Variants in DPYD observed in about 807,000 individuals in gnomAD.
DPYD encodes dihydropyrimidine dehydrogenase [NADP(+)].
Under a neutral mutation model 116.2 loss-of-function variants are expected in DPYD, and 109 were observed. The ratio of observed to expected loss-of-function variants is 0.94; its 90% confidence interval spans 0.80 to 1.10. DPYD has a LOEUF of 1.10. Ranked by LOEUF, DPYD falls within the 50% of genes least tolerant of loss-of-function variation. The probability of loss-of-function intolerance (pLI) is 0.00; values close to 1 mark genes in which losing one functional copy is unlikely to be tolerated. For missense variants in DPYD, 1,302 were observed against 1,254.5 expected (o/e 1.04, Z -0.57); for synonymous variants, 440 against 432.0 (o/e 1.02, Z -0.23).
At chr1:97,126,843 C>T (rs1570504320) in intron 20 of DPYD, among the ~76,000 whole-genome samples, 1 of 152,138 alleles carries the variant, frequency 6.6e-6, no homozygotes. Context: ...CTTAAAATTC[C>T]CTGGGAACAG....
At chr1:97,519,298 C>G (rs1648468106) in intron 12 of DPYD, among the ~76,000 whole-genome samples, 1 of 152,124 alleles carries the variant, frequency 6.6e-6, no homozygotes, top group African/African-American at 2.4e-5. Flanking sequence ...ACATGGATGA[C>G]AGCAGGCAAA....
At chr1:97,690,510 G>A (rs372140566) in intron 7 of DPYD, among the ~76,000 whole-genome samples, 1 of 151,834 alleles carries the variant, frequency 6.6e-6, no homozygotes, top group East Asian at 1.9e-4. Context: ...ATCAAATCAG[G>A]ATAATTAGGA....
intron 13 of DPYD, among the ~76,000 whole-genome samples, chr1:97,477,604 C>CTTTTTTTTTTTTTTTTTT (rs56199931): frequency 2.6e-5 from 3 of 113,654 alleles, no homozygotes; most frequent in African/African-American, 1.0e-4. Context: ...GACTGTTCTT[C>CTTTTTTTTTTTTTTTTTT]TTTTTTTTTT....
intron 13 of DPYD, among the ~76,000 whole-genome samples, chr1:97,464,238 C>CGAAATAAAATAAAATAAAAT (rs1402138169): frequency 7.2e-6 from 1 of 138,600 alleles, no homozygotes; most frequent in Non-Finnish European, 1.5e-5. Flanking sequence ...GACTCTGTCT[C>CGAAATAAAATAAAATAAAAT]AAAATAAAAT....
At chr1:97,430,074 C>A (rs530846199) in intron 14 of DPYD, among the ~76,000 whole-genome samples, 86 of 152,194 alleles carry the variant, frequency 5.7e-4, no homozygotes, top group South Asian at 1.0e-3. Flanking sequence ...GTTTCTCTGG[C>A]ATTCAGTGTC....
At chr1:97,844,713 A>C (rs1465727881) in intron 2 of DPYD, among the ~76,000 whole-genome samples, 3 of 152,060 alleles carry the variant, frequency 2.0e-5, no homozygotes, top group Non-Finnish European at 2.9e-5. Flanking sequence ...CACACTTCTG[A>C]GTTGGCAGGG....
At chr1:97,453,224 G>A (rs965652528) in intron 13 of DPYD, among the ~76,000 whole-genome samples, 9 of 152,054 alleles carry the variant, frequency 5.9e-5, no homozygotes, top group African/African-American at 1.9e-4. Context: ...GTTCTTAACT[G>A]CTGGGTATCG....
At chr1:97,774,627 G>T in intron 3 of DPYD, 1 of 157,388 alleles carries the variant, frequency 6.4e-6, no homozygotes. Flanking sequence ...GCATGCAAAG[G>T]CCATGCCCAA....
At position 97,579,893 on chromosome 1, in the gene DPYD, G is replaced by C. The variant is rs75017182; in HGVS notation, c.1129-5923C>G. Among the ~76,000 whole-genome samples, 1,993 of 152,204 alleles carry C rather than the reference G, an allele frequency of 0.013. 23 individuals are homozygous for C. The highest frequency in any genetic ancestry group is 0.024 in the Middle Eastern group (7 of 294). ...GTGGGAAAGTTAAAAAAAATTCTCA[G>C]CTTTGATTTTCACCTCCATATTCAG... On this transcript the variant is annotated intron_variant, in intron 10 of 22. Transcript: ENST00000370192.
chr1:97,338,445 T>C (rs1669414066), intron 16 of DPYD, among the ~76,000 whole-genome samples: 1 of 152,042 alleles, frequency 6.6e-6, no homozygotes, highest in South Asian at 2.1e-4. Context: ...AGCTAATATA[T>C]AGCAGATTCC....
chr1:97,361,814 A>C (rs1339432008), intron 16 of DPYD, among the ~76,000 whole-genome samples: 1 of 152,222 alleles, frequency 6.6e-6, no homozygotes, highest in East Asian at 1.9e-4. Context: ...CAAAATAATA[A>C]GAGCTATTTA....
chr1:97,329,419 G>T (rs1221721760), intron 16 of DPYD, among the ~76,000 whole-genome samples: 1 of 151,952 alleles, frequency 6.6e-6, no homozygotes, highest in African/African-American at 2.4e-5. Context: ...GATGTTTGAT[G>T]AGCACTCTGT....
chr1:97,285,113 T>G (rs1665580410), intron 18 of DPYD, among the ~76,000 whole-genome samples: 1 of 152,202 alleles, frequency 6.6e-6, no homozygotes, highest in African/African-American at 2.4e-5. Flanking sequence ...GTTTTAACTT[T>G]TCCTCCTTGC....
chr1:97,786,757 A>G (rs1303472625), intron 3 of DPYD, among the ~76,000 whole-genome samples: 1 of 152,250 alleles, frequency 6.6e-6, no homozygotes, highest in Non-Finnish European at 1.5e-5. Context: ...AACTTATGTT[A>G]TCTTGGCAAC....
chr1:97,468,648 T>C (rs1557733400), intron 13 of DPYD, among the ~76,000 whole-genome samples: 1 of 152,114 alleles, frequency 6.6e-6, no homozygotes, highest in Non-Finnish European at 1.5e-5. Flanking sequence ...AATTTACAAA[T>C]GTAAAAATCA....
chr1:97,370,575 A>G (rs1170722070), intron 16 of DPYD, among the ~76,000 whole-genome samples: 1 of 152,190 alleles, frequency 6.6e-6, no homozygotes, highest in Admixed American at 6.5e-5. Context: ...CCCAGAACTT[A>G]AAGCAAATTT....
At chr1:97,091,425 A>C (rs1649889241) in intron 21 of DPYD, among the ~76,000 whole-genome samples, 1 of 152,190 alleles carries the variant, frequency 6.6e-6, no homozygotes, top group South Asian at 2.1e-4. Flanking sequence ...ACACTGAAGT[A>C]ATCATGTAGC....
At chr1:97,742,403 A>G (rs548561473) in intron 3 of DPYD, among the ~76,000 whole-genome samples, 6 of 152,176 alleles carry the variant, frequency 3.9e-5, no homozygotes, top group Non-Finnish European at 8.8e-5. Flanking sequence ...TTCTCTCTAA[A>G]TTAAATTTTA....
intron 13 of DPYD, among the ~76,000 whole-genome samples, chr1:97,513,116 TG>T (rs1372504404): frequency 2.0e-5 from 3 of 151,760 alleles, no homozygotes; most frequent in Non-Finnish European, 2.9e-5. Flanking sequence ...TGTAAGTCAA[TG>T]GTCTATCGGT....
Sources: allele counts gnomAD v4.1 joint callset (sites outside exome capture counted in the v4.1 genomes callset), GRCh38; gene constraint gnomAD v4.1.1; transcripts MANE v1.5; gene names NCBI Gene and HGNC (gene_info 2026-07-23, HGNC 2026-07-21).